The following R3HDM1 variants were observed in gnomAD, a reference collection of about 807,000 sequenced individuals.
R3HDM1 encodes R3H domain containing 1, also known as R3H domain-containing protein 1.
R3HDM1 carries 46 observed loss-of-function variants against 141.1 expected under a neutral mutation model. That is an observed-to-expected ratio of 0.33 (90% CI 0.26 to 0.42). R3HDM1 has a LOEUF of 0.42. R3HDM1 is among the 10% of genes least tolerant of loss of function. R3HDM1 has a pLI of 1.00. For missense variants in R3HDM1, 1,184 were observed against 1,368.3 expected, an observed-to-expected ratio of 0.87 and a Z score of 2.12; for synonymous variants, 435 against 472.9, an observed-to-expected ratio of 0.92 and a Z score of 1.04.
chr2:135,698,670 C>T (rs1407494629), intron 21 of R3HDM1, among the ~76,000 whole-genome samples: 1 of 152,142 alleles, frequency 6.6e-6, no homozygotes, highest in African/African-American at 2.4e-5. Flanking sequence ...GCTCCGCAGG[C>T]TGCATAGGAA....
At chr2:135,640,911 T>A (rs2063725317) in intron 14 of R3HDM1, among the ~76,000 whole-genome samples, 1 of 152,224 alleles carries the variant, frequency 6.6e-6, no homozygotes. Flanking sequence ...AATTTTAAGT[T>A]AACACCAGTA....
chr2:135,582,173 C>CA (rs914520164), intron 1 of R3HDM1, among the ~76,000 whole-genome samples: 5 of 151,848 alleles, frequency 3.3e-5, no homozygotes, highest in South Asian at 2.1e-4. Context: ...ACTAAAAATA[C>CA]AAAAAAATTA....
At chr2:135,544,775 A>G (rs762639509) in intron 1 of R3HDM1, among the ~76,000 whole-genome samples, 5 of 152,174 alleles carry the variant, frequency 3.3e-5, no homozygotes, top group Non-Finnish European at 5.9e-5. Flanking sequence ...AGCTTGGGCA[A>G]CCTGGCGAAA....
At chr2:135,720,981 C>T (rs888544354) in intron 24 of R3HDM1, among the ~76,000 whole-genome samples, 7 of 152,072 alleles carry the variant, frequency 4.6e-5, no homozygotes, top group South Asian at 4.1e-4. Flanking sequence ...GTATTTCATA[C>T]GGGATGTTAG....
intron 21 of R3HDM1, among the ~76,000 whole-genome samples, chr2:135,682,366 G>A (rs958988495): frequency 5.3e-5 from 8 of 152,036 alleles, no homozygotes; most frequent in East Asian, 1.9e-4. Context: ...AATTTTTCAC[G>A]TTTGTTGTAC....
chr2:135,541,851 TAA>T (rs10558924), intron 1 of R3HDM1, among the ~76,000 whole-genome samples: 7,355 of 121,792 alleles, frequency 0.06, 373 homozygotes, highest in African/African-American at 0.15. Context: ...TTCAATTTGT[TAA>T]AAAAAAAAAA....
chr2:135,575,535 T>C (rs61110735), intron 1 of R3HDM1, among the ~76,000 whole-genome samples: 6,747 of 152,220 alleles, frequency 0.044, 500 homozygotes, highest in African/African-American at 0.16. Flanking sequence ...GCTGGAAAAC[T>C]ACAGGGGATC....
At chr2:135,555,632 T>G (rs1306814963) in intron 1 of R3HDM1, among the ~76,000 whole-genome samples, 1 of 152,206 alleles carries the variant, frequency 6.6e-6, no homozygotes, top group Non-Finnish European at 1.5e-5. Context: ...AGCAGCACTA[T>G]TTATCGTAGT....
At chr2:135,610,474 T>A (rs540599710) in intron 3 of R3HDM1, among the ~76,000 whole-genome samples, 1 of 152,360 alleles carries the variant, frequency 6.6e-6, no homozygotes, top group Admixed American at 6.5e-5. Context: ...TTTTGTATAT[T>A]CTGTTTCAGT....
chr2:135,715,353 C>T (rs2076063339), intron 23 of R3HDM1, among the ~76,000 whole-genome samples, 197 bp from the exon 24 acceptor site: 2 of 151,802 alleles, frequency 1.3e-5, no homozygotes, highest in Non-Finnish European at 2.9e-5. Context: ...GCCTGGGCAA[C>T]AGAGTGAGAC....
At chr2:135,574,261 G>A (rs1301796935) in intron 1 of R3HDM1, among the ~76,000 whole-genome samples, 1 of 152,150 alleles carries the variant, frequency 6.6e-6, no homozygotes. Flanking sequence ...TGAAAACCTA[G>A]ATGAAATGAG....
intron 1 of R3HDM1, among the ~76,000 whole-genome samples, chr2:135,587,572 A>G (rs1275750032): frequency 6.6e-6 from 1 of 152,164 alleles, no homozygotes; most frequent in Admixed American, 6.5e-5. Flanking sequence ...AGGGTCTTCT[A>G]TCAGATGCAT....
chr2:135,601,895 CA>C (rs1343191816), intron 1 of R3HDM1, among the ~76,000 whole-genome samples: 1 of 150,386 alleles, frequency 6.6e-6, no homozygotes, highest in African/African-American at 2.4e-5. Flanking sequence ...CCCCTGGCCT[CA>C]AGTGATCCTC....
At chr2:135,655,186 A>C (rs2065674983) in intron 18 of R3HDM1, among the ~76,000 whole-genome samples, 1 of 152,034 alleles carries the variant, frequency 6.6e-6, no homozygotes, top group East Asian at 1.9e-4. Flanking sequence ...ATTTTGAGTT[A>C]ATTTTTGAAT....
At chr2:135,641,819 A>T (rs1484307782) in intron 15 of R3HDM1, 29 bp downstream of exon 15, 2 of 1,552,554 alleles carry the variant, frequency 1.3e-6, no homozygotes, top group South Asian at 2.5e-5. Context: ...GTGTTTCAGG[A>T]ATTATCTGAA....
intron 1 of R3HDM1, among the ~76,000 whole-genome samples, chr2:135,538,222 G>A (rs1696656428): frequency 6.6e-6 from 1 of 152,130 alleles, no homozygotes. Context: ...TTAAGTATCT[G>A]TATATGTAAA....
At chr2:135,545,209 A>G (rs1291437324) in intron 1 of R3HDM1, among the ~76,000 whole-genome samples, 5 of 152,214 alleles carry the variant, frequency 3.3e-5, no homozygotes, top group African/African-American at 1.2e-4. Context: ...CTCAGCATTC[A>G]TTCATGAAAT....
intron 1 of R3HDM1, 130 bp downstream of exon 1, chr2:135,531,763 G>A (rs932056846): frequency 1.7e-5 from 17 of 985,640 alleles, no homozygotes; most frequent in Non-Finnish European, 2.0e-5. Flanking sequence ...TGTGTGGAAA[G>A]GTGGCCTTCC....
In R3HDM1 at chr2:135,724,078, C is replaced by T. The variant is rs770673307; in HGVS notation, c.3191C>T (p.Pro1064Leu). Residue 1064 changes from proline (P) to leucine (L), a missense_variant, in exon 27 of 27, where the codon CCC (proline) becomes CTC (leucine). Physicochemically the swap from Pro to Leu is moderately conservative, Grantham distance 98 (BLOSUM62 -3). Transcript: ENST00000683871. The stretch of plus-strand genomic sequence containing the variant: ...CCCCAGTCCCAACCACGTCGTCACC[C>T]CCTCTGCTGTGGCAGTGGGGACAAC... ...RDPQSQPRRH[P>L]LCCGSGDNTA... 4 of 1,614,136 alleles carry T rather than the reference C, an allele frequency of 2.5e-6. No individual in the cohort carries two copies. Among genetic ancestry groups the T allele is most frequent in the Non-Finnish European group, 2.5e-6 (3 of 1,180,032 alleles).
Sources: allele counts gnomAD v4.1 joint callset (sites outside exome capture counted in the v4.1 genomes callset), GRCh38; gene constraint gnomAD v4.1.1; transcripts MANE v1.5; gene names NCBI Gene and HGNC (gene_info 2026-07-23, HGNC 2026-07-21).